The following ITPR2 variants were observed in gnomAD, a reference collection of about 807,000 sequenced individuals.
The protein encoded by ITPR2 is inositol 1,4,5-trisphosphate receptor type 2, also known as inositol 1,4,5-trisphosphate-gated calcium channel ITPR2.
In ITPR2, 207 loss-of-function variants were observed where a neutral mutation model predicts 317.1. The ratio of observed to expected loss-of-function variants is 0.65; its 90% CI spans 0.58 to 0.73. ITPR2 has a LOEUF of 0.73. ITPR2 is among the 30% of genes least tolerant of loss of function. The probability of loss-of-function intolerance (pLI) is 0.00; values close to 1 mark genes in which losing one functional copy is unlikely to be tolerated. For missense variants in ITPR2, 2,613 were observed against 3,284.0 expected (o/e 0.80, Z 4.99); for synonymous variants, 1,156 against 1,149.1 (o/e 1.01, Z -0.12).
At chr12:26,744,735 G>A (rs1949290389) in intron 2 of ITPR2, among the ~76,000 whole-genome samples, 1 of 152,256 alleles carries the variant, frequency 6.6e-6, no homozygotes, top group South Asian at 2.1e-4. Flanking sequence ...AGGAAGTAGA[G>A]AACACAGTCA....
intron 13 of ITPR2, among the ~76,000 whole-genome samples, chr12:26,677,823 C>A (rs1438904041): frequency 1.3e-5 from 2 of 152,128 alleles, no homozygotes; most frequent in African/African-American, 4.8e-5. Flanking sequence ...TCAGGATAGT[C>A]ATACCTGGCA....
intron 9 of ITPR2, 148 bp from the exon 10 acceptor site, chr12:26,695,798 T>C: frequency 4.9e-6 from 3 of 610,924 alleles, no homozygotes; most frequent in Non-Finnish European, 5.8e-6. Flanking sequence ...AATATGACAA[T>C]TTAAAATACT....
intron 10 of ITPR2, among the ~76,000 whole-genome samples, chr12:26,694,638 G>T (rs944196354): frequency 6.6e-6 from 1 of 152,134 alleles, no homozygotes; most frequent in African/African-American, 2.4e-5. Context: ...AAGAAGCCAT[G>T]ATTCACACTT....
At chr12:26,475,151 G>A in intron 45 of ITPR2, 145 bp downstream of exon 45, 1 of 833,638 alleles carries the variant, frequency 1.2e-6, no homozygotes, top group Admixed American at 2.7e-5. Context: ...GGCATTCTGG[G>A]AGGCTGTTCC....
At chr12:26,626,698 A>C (rs1348195335) in intron 23 of ITPR2, among the ~76,000 whole-genome samples, 2 of 152,262 alleles carry the variant, frequency 1.3e-5, no homozygotes, top group Non-Finnish European at 2.9e-5. Context: ...CTGCCTTTTG[A>C]TGGGACTAAT....
At chr12:26,576,597 A>G (rs1356982836) in intron 34 of ITPR2, among the ~76,000 whole-genome samples, 4 of 152,186 alleles carry the variant, frequency 2.6e-5, no homozygotes, top group African/African-American at 9.7e-5. Flanking sequence ...TGGAAGGTCT[A>G]TGTAGGAGGA....
At chr12:26,640,397 T>C (rs1946959136) in intron 21 of ITPR2, among the ~76,000 whole-genome samples, 1 of 152,154 alleles carries the variant, frequency 6.6e-6, no homozygotes, top group African/African-American at 2.4e-5. Context: ...AACATATACT[T>C]AGAATGTTAC....
chr12:26,411,673 C>T (rs1200233529), intron 51 of ITPR2, among the ~76,000 whole-genome samples: 2 of 152,130 alleles, frequency 1.3e-5, no homozygotes, highest in Non-Finnish European at 2.9e-5. Context: ...AGTATTAATA[C>T]TGTAGACCTT....
intron 22 of ITPR2, among the ~76,000 whole-genome samples, chr12:26,628,711 G>C (rs1164778025): frequency 6.6e-6 from 1 of 152,150 alleles, no homozygotes; most frequent in African/African-American, 2.4e-5. Context: ...CTCATTCATG[G>C]ATGCACGGAC....
intron 2 of ITPR2, among the ~76,000 whole-genome samples, chr12:26,747,495 G>T (rs1949343934): frequency 1.3e-5 from 2 of 152,286 alleles, no homozygotes; most frequent in African/African-American, 4.8e-5. Context: ...CCTAATGTAG[G>T]TTTATCAACA....
At chr12:26,392,130 T>A (rs1939871185) in intron 54 of ITPR2, among the ~76,000 whole-genome samples, 1 of 152,176 alleles carries the variant, frequency 6.6e-6, no homozygotes, top group East Asian at 1.9e-4. Flanking sequence ...AGTACTGACC[T>A]TTCTTCTCAA....
chr12:26,646,418 A>G (rs1947115951), intron 21 of ITPR2, among the ~76,000 whole-genome samples: 1 of 152,148 alleles, frequency 6.6e-6, no homozygotes, highest in Non-Finnish European at 1.5e-5. Context: ...ACTTCAAGGT[A>G]GATAATGTGC....
chr12:26,487,032 C>G (rs1183006498), intron 40 of ITPR2, 36 bp downstream of exon 40: 1 of 1,552,800 alleles, frequency 6.4e-7, no homozygotes, highest in Admixed American at 1.7e-5. Context: ...TCTTTTCTCT[C>G]ACTCTGTTCT....
chr12:26,387,212 T>C (rs893809104), intron 55 of ITPR2, among the ~76,000 whole-genome samples: 1 of 152,162 alleles, frequency 6.6e-6, no homozygotes, highest in Non-Finnish European at 1.5e-5. Flanking sequence ...GGAAATATCA[T>C]CTGTGCACTG....
chr12:26,607,939 C>T (rs1316439447), intron 26 of ITPR2, among the ~76,000 whole-genome samples: 2 of 151,832 alleles, frequency 1.3e-5, no homozygotes, highest in African/African-American at 4.8e-5. Context: ...AAAAAATTAG[C>T]CGGGCGTTTC....
chr12:26,778,442 A>G (rs1329238659), intron 2 of ITPR2, among the ~76,000 whole-genome samples: 1 of 152,208 alleles, frequency 6.6e-6, no homozygotes, highest in African/African-American at 2.4e-5. Flanking sequence ...CAGCTGCTGT[A>G]CCAGATGTGG....
chr12:26,355,794 C>A (rs886177642), intron 55 of ITPR2, among the ~76,000 whole-genome samples: 1 of 152,164 alleles, frequency 6.6e-6, no homozygotes, highest in Non-Finnish European at 1.5e-5. Context: ...AAATCCACTG[C>A]CAACAGGCTG....
chr12:26,524,588 T>C (rs536125121), intron 37 of ITPR2, among the ~76,000 whole-genome samples: 9 of 152,328 alleles, frequency 5.9e-5, no homozygotes, highest in Admixed American at 5.9e-4. Flanking sequence ...ACACATATTT[T>C]GTTTTTAAAT....
At chr12:26,483,607 G>T in intron 42 of ITPR2, 91 bp downstream of exon 42, 1 of 924,686 alleles carries the variant, frequency 1.1e-6, no homozygotes, top group Non-Finnish European at 1.7e-6. Context: ...GTCTGGCAAA[G>T]CAAGAAGAAA....
Sources: gnomAD v4.1 joint callset for allele counts (sites outside exome capture counted in the v4.1 genomes callset) on GRCh38, gnomAD v4.1.1 for gene constraint, MANE v1.5 for transcripts, NCBI Gene and HGNC (gene_info 2026-07-23, HGNC 2026-07-21) for gene names.